Variants in CSMD1 observed in about 807,000 individuals in gnomAD.
CSMD1 encodes CUB and sushi domain-containing protein 1.
In CSMD1, 213 loss-of-function variants were observed where a neutral mutation model predicts 417.5. The ratio of observed to expected loss-of-function variants is 0.51; its 90% CI spans 0.46 to 0.57. The LOEUF is 0.57. Among genes scored for constraint, CSMD1 ranks in the 20% least tolerant of loss-of-function variants. CSMD1 has a pLI of 0.00. For synonymous variants in CSMD1, 2,862 were observed against 1,736.8 expected (o/e 1.65, Z -16.11); for missense variants, 6,923 against 4,529.7 (o/e 1.53, Z -15.17).
intron 3 of CSMD1, among the ~76,000 whole-genome samples, chr8:4,272,283 A>G (rs1056139304): frequency 6.6e-6 from 1 of 152,204 alleles, no homozygotes; most frequent in African/African-American, 2.4e-5. Context: ...AAACTTATAA[A>G]TAGAAAAACA....
intron 1 of CSMD1, among the ~76,000 whole-genome samples, chr8:4,695,120 C>T (rs1388441800): frequency 1.3e-5 from 2 of 152,132 alleles, no homozygotes; most frequent in East Asian, 1.9e-4. Context: ...GTCTGAACTT[C>T]GACCACCGTG....
chr8:4,589,255 T>C (rs1173432914), intron 2 of CSMD1, among the ~76,000 whole-genome samples: 1 of 152,216 alleles, frequency 6.6e-6, no homozygotes, highest in Non-Finnish European at 1.5e-5. Flanking sequence ...ATCTAATTTT[T>C]ATTTCTAAAT....
chr8:3,914,390 G>C (rs1378090791), intron 5 of CSMD1, among the ~76,000 whole-genome samples: 2 of 151,800 alleles, frequency 1.3e-5, no homozygotes, highest in African/African-American at 4.8e-5. Flanking sequence ...TACGGGTACA[G>C]ATAAAGATGT....
intron 3 of CSMD1, among the ~76,000 whole-genome samples, chr8:4,397,179 C>G (rs183528594): frequency 6.6e-6 from 1 of 152,184 alleles, no homozygotes; most frequent in Admixed American, 6.5e-5. Flanking sequence ...TGATGATCAA[C>G]ATGTATGTGT....
intron 2 of CSMD1, among the ~76,000 whole-genome samples, chr8:4,452,929 T>C (rs1231820774): frequency 6.6e-6 from 1 of 152,232 alleles, no homozygotes. Context: ...ACAGCCTTTT[T>C]ATTTTAGTTA....
intron 1 of CSMD1, among the ~76,000 whole-genome samples, chr8:4,800,870 C>T (rs910625622): frequency 6.6e-6 from 1 of 152,202 alleles, no homozygotes; most frequent in African/African-American, 2.4e-5. Flanking sequence ...TTTAATTCTT[C>T]CCTTTCACAC....
At chr8:4,588,239 A>G (rs745513550) in intron 2 of CSMD1, among the ~76,000 whole-genome samples, 1 of 152,050 alleles carries the variant, frequency 6.6e-6, no homozygotes, top group Non-Finnish European at 1.5e-5. Context: ...TTACAACTCA[A>G]TGGCCGTCAG....
At chr8:3,582,511 T>C (rs971210773) in intron 9 of CSMD1, among the ~76,000 whole-genome samples, 1 of 152,130 alleles carries the variant, frequency 6.6e-6, no homozygotes, top group Admixed American at 6.5e-5. Flanking sequence ...TCTTCACAAC[T>C]ACAAGGGTGT....
intron 3 of CSMD1, among the ~76,000 whole-genome samples, chr8:4,404,540 G>A (rs1001830645): frequency 6.6e-6 from 1 of 152,078 alleles, no homozygotes; most frequent in Non-Finnish European, 1.5e-5. Flanking sequence ...TGAAGGTGAT[G>A]TTTAATATTA....
chr8:3,871,747 G>C (rs369840854), intron 5 of CSMD1, among the ~76,000 whole-genome samples: 20 of 152,166 alleles, frequency 1.3e-4, no homozygotes, highest in African/African-American at 3.6e-4. Flanking sequence ...TAACATTTGA[G>C]AATGTGGGTA....
chr8:3,596,544 G>C (rs570845546), intron 8 of CSMD1, among the ~76,000 whole-genome samples: 39 of 152,126 alleles, frequency 2.6e-4, no homozygotes, highest in Non-Finnish European at 4.7e-4. Context: ...ACTTAAATCC[G>C]TGGTTGATCA....
intron 7 of CSMD1, among the ~76,000 whole-genome samples, chr8:3,706,980 C>G: frequency 6.6e-6 from 1 of 151,844 alleles, no homozygotes; most frequent in East Asian, 1.9e-4. Context: ...GCCATGCAAA[C>G]ATTTACAGAT....
At chr8:3,030,521 G>A (rs1051932508) in intron 50 of CSMD1, among the ~76,000 whole-genome samples, 1 of 151,960 alleles carries the variant, frequency 6.6e-6, no homozygotes, top group Non-Finnish European at 1.5e-5. Context: ...CAGGCTGCCA[G>A]GCTGGAGGGC....
intron 23 of CSMD1, among the ~76,000 whole-genome samples, chr8:3,319,478 G>A (rs1183696626): frequency 2.6e-5 from 4 of 152,042 alleles, no homozygotes; most frequent in African/African-American, 9.7e-5. Flanking sequence ...TATAGAAAAA[G>A]GTGGCAAGTA....
chr8:3,769,774 C>T (rs73658237), intron 5 of CSMD1, among the ~76,000 whole-genome samples: 2,449 of 152,238 alleles, frequency 0.016, 49 homozygotes, highest in African/African-American at 0.056. Flanking sequence ...TTATTTCTCA[C>T]AGTCTCATAA....
At chr8:4,522,028 A>G (rs1433424076) in intron 2 of CSMD1, among the ~76,000 whole-genome samples, 1 of 152,124 alleles carries the variant, frequency 6.6e-6, no homozygotes, top group Non-Finnish European at 1.5e-5. Flanking sequence ...AAACCTCTGG[A>G]GTCATTGATA....
At chr8:4,232,808 C>T (rs564628071) in intron 3 of CSMD1, among the ~76,000 whole-genome samples, 13 of 152,190 alleles carry the variant, frequency 8.5e-5, no homozygotes, top group South Asian at 6.2e-4. Context: ...TCAGGTGCCT[C>T]GAAATCTAAA....
chr8:2,938,509 G>GTA lies in CSMD1; in HGVS notation c.*74_*75dup. ...TAAAGCCAGAGTGGAAGGGAGAGTG[G>GTA]TATATGGCACCAAAGGAATCACTGC... is the stretch of plus-strand genomic sequence containing the variant. On this transcript the variant is annotated 3_prime_UTR_variant, in exon 70 of 70. Transcript: ENST00000635120. 1 of 1,397,040 alleles carries GTA rather than the reference G, an allele frequency of 7.2e-7. No homozygotes were observed. Among genetic ancestry groups the GTA allele is most frequent in the Non-Finnish European group, 9.8e-7 (1 of 1,018,772 alleles). The allele number at this position is 1,397,040 out of a possible 1,614,324, so 86.5% of individuals were successfully genotyped here. A position where few individuals can be genotyped will look rare whatever the true frequency, so the allele number is the denominator to read the frequency against.
At chr8:4,370,412 T>G (rs1005100390) in intron 3 of CSMD1, among the ~76,000 whole-genome samples, 1 of 152,170 alleles carries the variant, frequency 6.6e-6, no homozygotes, top group Non-Finnish European at 1.5e-5. Flanking sequence ...CTGATGATAT[T>G]GTCTTGGAAA....
Sources: allele counts gnomAD v4.1 joint callset (sites outside exome capture counted in the v4.1 genomes callset), GRCh38; gene constraint gnomAD v4.1.1; transcripts MANE v1.5; gene names NCBI Gene and HGNC (gene_info 2026-07-23, HGNC 2026-07-21).